The following VILL variants were observed in gnomAD, a reference collection of about 807,000 sequenced individuals.
VILL encodes the protein villin-like protein.
Under a neutral mutation model 106.3 loss-of-function variants are expected in VILL, and 102 were observed. That is an observed-to-expected ratio of 0.96 (90% CI 0.82 to 1.13). The LOEUF (loss-of-function observed/expected upper bound fraction) is 1.13. VILL is among the 50% of genes most tolerant of loss of function. The pLI is 0.00. For missense variants in VILL, 1,076 were observed against 1,116.6 expected (o/e 0.96, Z 0.52); for synonymous variants, 431 against 440.3 (o/e 0.98, Z 0.27).
At chr3:38,003,643 G>A in intron 15 of VILL, 1 of 337,312 alleles carries the variant, frequency 3.0e-6, no homozygotes, top group Non-Finnish European at 5.7e-6. Context: ...CCCAGTGTGT[G>A]TGTATACAGT....
Position 37,997,636 on chromosome 3 carries a change from C to G in VILL, c.715C>G (p.Pro239Ala), listed in dbSNP as rs749755497. 1 of 1,613,118 alleles carries G rather than the reference C, an allele frequency of 6.2e-7. No individual in the cohort carries two copies. Among genetic ancestry groups the G allele is most frequent in the Non-Finnish European group, 8.5e-7 (1 of 1,179,996 alleles). Residue 239 changes from proline to alanine, a missense_variant, in exon 7 of 20, where the codon CCC becomes GCC. Coordinates refer to ENST00000383759, the MANE Select transcript of VILL (RefSeq NM_015873.4). The surrounding 1 kb of genome is among the most constrained non-coding windows in gnomAD (Gnocchi z 4.7). ...GGTGGGCAGCCTGCGTGCCGCCACG[C>G]CCAGCAAGGATATCAACCAGCTGCA... ...RRVGSLRAAT[P>A]SKDINQLQKA...
chr3:37,996,115 G>A (rs953591150), intron 5 of VILL, among the ~76,000 whole-genome samples: 8 of 152,156 alleles, frequency 5.3e-5, no homozygotes, highest in South Asian at 2.1e-4. Flanking sequence ...CAGGAGGATC[G>A]CCTGAGCCCA....
chr3:38,002,328 G>A (rs1699833081), intron 13 of VILL, 68 bp from the exon 14 acceptor site: 2 of 1,478,268 alleles, frequency 1.4e-6, no homozygotes, highest in East Asian at 2.3e-5. Context: ...GAGGCAATAT[G>A]TCCCACACTG....
upstream of VILL, among the ~76,000 whole-genome samples, chr3:37,989,222 C>T (rs1371819303): frequency 2.0e-5 from 3 of 152,204 alleles, no homozygotes; most frequent in East Asian, 5.8e-4. Context: ...GTTCCTGGGG[C>T]TCAGAGAGGG....
chr3:37,991,399 A>G (rs1699608430), intron 1 of VILL, among the ~76,000 whole-genome samples: 1 of 136,710 alleles, frequency 7.3e-6, no homozygotes, highest in Non-Finnish European at 1.6e-5. Context: ...GTGGGGAGGG[A>G]GAGAGGGAGG....
chr3:38,006,526 C>T lies in VILL; in HGVS notation c.2283C>T (p.Gly761=). ...CCGTGGCCCTGCAGGCCCTCAAGGGCTCCCAGGACAGCTCAGAGAATGATC... is the reference window on the plus strand; with the variant it reads ...CCGTGGCCCTGCAGGCCCTCAAGGGTTCCCAGGACAGCTCAGAGAATGATC... ...AGAVALQALK[G]SQDSSENDLV... Residue 761 remains glycine (G), a synonymous_variant, in exon 19 of 20, where the codon GGC becomes GGT. Transcript: ENST00000383759. 1 of 1,613,910 alleles carries T rather than the reference C, an allele frequency of 6.2e-7. No homozygotes were observed. Among genetic ancestry groups the T allele is most frequent in the Non-Finnish European group, 8.5e-7 (1 of 1,179,816 alleles).
At chr3:37,999,663 A>C (rs1447453140) in intron 11 of VILL, among the ~76,000 whole-genome samples, 2 of 152,180 alleles carry the variant, frequency 1.3e-5, no homozygotes, top group Non-Finnish European at 2.9e-5. Context: ...ACAGACACAC[A>C]GTACAGTAAC....
At chr3:37,993,811 A>C in intron 2 of VILL, 79 bp downstream of exon 2, 1 of 1,607,592 alleles carries the variant, frequency 6.2e-7, no homozygotes, top group Non-Finnish European at 8.5e-7. Context: ...TCCCGCCCCC[A>C]ACTCAGAGCG....
In VILL at chr3:38,002,398, G is replaced by A. The variant is rs1699834426; in HGVS notation, c.1482G>A (p.Glu494=). The change falls in exon 14 of 20, where the codon GAG becomes GAA. Residue 494 remains glutamate (E), a splice_region_variant and synonymous_variant. Transcript: ENST00000383759. The part of the protein sequence containing the change: ...IFQGQLVIFQ[E]RAGHHGKGQS... Reference sequence around the variant, plus strand: ...CCTGAGGCCTTGCTCTCCTATAGGAGAGAGCTGGGCACCATGGAAAGGGGC... The same window carrying A: ...CCTGAGGCCTTGCTCTCCTATAGGAAAGAGCTGGGCACCATGGAAAGGGGC... 1 of 1,610,642 alleles carries A rather than the reference G, an allele frequency of 6.2e-7. No individual in the cohort carries two copies. Among genetic ancestry groups the A allele is most frequent in the Middle Eastern group, 1.7e-4 (1 of 6,044 alleles).
rs1699939052 is a variant in VILL at position 38,006,817 on chromosome 3, G to A, written c.2457+117G>A. 5.9e-6 allele frequency: 9 copies of A among 1,529,430 alleles called. No homozygotes were observed. In the South Asian group the frequency reaches 1.0e-4, roughly 17 times the overall value. The allele number at this position is 1,529,430 out of a possible 1,614,324, so 94.7% of individuals were successfully genotyped here. ...ACTGCCCCGGGAGATGTGTCTTCTA[G>A]CTGGGGTGGTGGGCAAACAGATGCG... is the stretch of plus-strand genomic sequence containing the variant. On this transcript the variant is annotated intron_variant, in intron 19 of 19. Transcript: ENST00000383759.
chr3:37,995,852 G>A lies in VILL; in HGVS notation c.450+5G>A. On this transcript the variant is annotated splice_donor_5th_base_variant and intron_variant, in intron 5 of 19. Transcript: ENST00000383759. ...AAGCACGTGTCTGCCACTGAGGTGA[G>A]GCTGCCAGGGGAGCCTCTTGACCTC... 1 of 1,612,398 alleles carries A rather than the reference G, an allele frequency of 6.2e-7. No homozygotes were observed. Among genetic ancestry groups the A allele is most frequent in the Non-Finnish European group, 8.5e-7 (1 of 1,178,854 alleles).
intron 16 of VILL, 71 bp from the exon 17 acceptor site, chr3:38,005,721 A>G (rs1246209057): frequency 1.3e-6 from 2 of 1,497,088 alleles, no homozygotes; most frequent in Non-Finnish European, 1.8e-6. Flanking sequence ...CTGGACAGGG[A>G]GTGGACAGGA....
chr3:37,999,427 T>C lies in VILL; in HGVS notation c.1170T>C (p.Ser390=), dbSNP rs1208143938. The stretch of plus-strand genomic sequence containing the variant: ...AGCTCAGGATGGTGGACGACGGCTC[T>C]GGGAAGGTGGAGGTGAGGGGTACTG... ...AAQLRMVDDG[S]GKVEVWCIQD... Residue 390 remains serine, a synonymous_variant, in exon 11 of 20, where the codon TCT becomes TCC. Transcript: ENST00000383759. The C allele has an allele frequency of 6.7e-7, 1 of 1,481,894 alleles. No individual in the cohort carries two copies. The allele number at this position is 1,481,894 out of a possible 1,614,324, so 91.8% of individuals were successfully genotyped here. A position where few individuals can be genotyped will look rare whatever the true frequency, so the allele number is the denominator to read the frequency against.
chr3:37,999,073 A>G (rs1179846023), intron 10 of VILL, 23 bp downstream of exon 10: 13 of 128,620 alleles, frequency 1.0e-4, no homozygotes, highest in Middle Eastern at 2.7e-3. Flanking sequence ...GGCGGGGCTG[A>G]CGGGGGCGGG....
chr3:37,991,510 G>A (rs1007897430), intron 1 of VILL, among the ~76,000 whole-genome samples: 5 of 151,308 alleles, frequency 3.3e-5, no homozygotes, highest in African/African-American at 1.2e-4. Flanking sequence ...AATCAGAGGG[G>A]AGAAAGAAGA....
In VILL at chr3:37,997,949, A is replaced by G; in HGVS notation, c.765-141A>G. 1.2e-6 allele frequency: 1 copy of G among 867,928 alleles called. No individual in the cohort carries two copies. The highest frequency in any genetic ancestry group is 1.8e-5 in the South Asian group (1 of 56,824). 53.8% of individuals were successfully genotyped at this position (867,928 alleles called of 1,614,324 possible). Reference sequence around the variant, plus strand: ...TAAAGCTCCACAGCAAGGCTGCAGTAAAAGTGAAGACTACAACTCGGGGCC... The same window carrying G: ...TAAAGCTCCACAGCAAGGCTGCAGTGAAAGTGAAGACTACAACTCGGGGCC... On this transcript the variant is annotated intron_variant, in intron 7 of 19. Transcript: ENST00000383759. The surrounding 1 kb of genome is among the most constrained non-coding windows in gnomAD (Gnocchi z 4.7).
chr3:37,995,698 A>G (rs1174386119), intron 4 of VILL, 41 bp from the exon 5 acceptor site: 1 of 1,511,348 alleles, frequency 6.6e-7, no homozygotes, highest in South Asian at 1.1e-5. Context: ...GTGTTCTTAT[A>G]TACACAGAAT....
intron 4 of VILL, among the ~76,000 whole-genome samples, chr3:37,994,779 G>A (rs1229967779): frequency 6.6e-6 from 1 of 152,166 alleles, no homozygotes; most frequent in African/African-American, 2.4e-5. Context: ...CCTGCCCTAG[G>A]CAACCACTCA....
intron 1 of VILL, among the ~76,000 whole-genome samples, chr3:37,991,806 G>T (rs1392047371): frequency 6.6e-6 from 1 of 151,904 alleles, no homozygotes; most frequent in Admixed American, 6.6e-5. Context: ...ACTGTGGGGG[G>T]TTCCCCTGAG....
Sources: gnomAD v4.1 joint callset for allele counts (sites outside exome capture counted in the v4.1 genomes callset) on GRCh38, gnomAD v4.1.1 for gene constraint, Gnocchi (gnomAD v3.1) non-coding constraint, MANE v1.5 for transcripts, NCBI Gene and HGNC (gene_info 2026-07-23, HGNC 2026-07-21) for gene names.